The following KCNC4 variants were observed in gnomAD, a reference collection of about 807,000 sequenced individuals.
The protein encoded by KCNC4 is potassium voltage-gated channel subfamily C member 4.
Under a neutral mutation model 42.8 loss-of-function variants are expected in KCNC4, and 23 were observed. The observed-to-expected ratio is 0.54, with a 90% CI of 0.39 to 0.76. KCNC4 has a LOEUF of 0.76. Ranked by LOEUF, KCNC4 falls within the 30% of genes least tolerant of loss-of-function variation. The pLI is 0.00. For missense variants in KCNC4, 751 were observed against 898.2 expected, an observed-to-expected ratio of 0.84 and a Z score of 2.10; for synonymous variants, 422 against 393.5, an observed-to-expected ratio of 1.07 and a Z score of -0.86.
intron 2 of KCNC4, chr1:110,225,723 C>T (rs956130810): frequency 4.1e-6 from 2 of 488,908 alleles, no homozygotes; most frequent in African/African-American, 3.8e-5. Flanking sequence ...TGTAGGGCAT[C>T]TGCACTGTGG....
At position 110,211,374 on chromosome 1, in the gene KCNC4, G is replaced by C; in HGVS notation, c.-126G>C. ...TAGGCAGGGGCAAGCCCAAGCCGCAGAGGGGGCCGCCACCGCCTCCTGCCT... is the reference window on the plus strand; with the variant it reads ...TAGGCAGGGGCAAGCCCAAGCCGCACAGGGGGCCGCCACCGCCTCCTGCCT... On this transcript the variant is annotated 5_prime_UTR_variant, in exon 1 of 4. Coordinates refer to ENST00000438661, the MANE Select transcript of KCNC4 (RefSeq NM_001039574.3). The surrounding 1 kb of genome is among the most constrained non-coding windows in gnomAD (Gnocchi z 6.5). The C allele has an allele frequency of 7.2e-7, 1 of 1,395,522 alleles. No individual in the cohort carries two copies. Among genetic ancestry groups the C allele is most frequent in the Non-Finnish European group, 9.6e-7 (1 of 1,043,586 alleles). 86.4% of individuals were successfully genotyped at this position (1,395,522 alleles called of 1,614,324 possible).
At chr1:110,239,414 C>T (rs1382706728) in exon 4 of KCNC4, 1 of 152,210 alleles carries the variant, frequency 6.6e-6, no homozygotes, top group Admixed American at 6.5e-5. Flanking sequence ...CTTGGTGAGG[C>T]GTTTTCCCCT....
Position 110,223,378 on chromosome 1 carries a change from G to A in KCNC4, c.1093G>A (p.Val365Met), listed in dbSNP as rs768132680. The stretch of plus-strand genomic sequence containing the variant: ...TATCTTCAAGCTCACACGCCACTTC[G>A]TGGGGCTACGCGTGCTGGGCCACAC... Reference protein sequence around the residue: ...LRIFKLTRHFVGLRVLGHTLR... With the variant: ...LRIFKLTRHFMGLRVLGHTLR... The change falls in exon 2 of 4, where the codon GTG becomes ATG. Residue 365 changes from valine to methionine, a missense_variant. Transcript: ENST00000438661. The surrounding 1 kb of genome is among the most constrained non-coding windows in gnomAD (Gnocchi z 7.5). 1.2e-5 allele frequency: 20 copies of A among 1,613,794 alleles called. No individual in the cohort carries two copies. Among genetic ancestry groups the A allele is most frequent in the Middle Eastern group, 1.7e-4 (1 of 6,060 alleles).
chr1:110,256,658 G>A (rs945665470), intron 1 of KCNC4: 1 of 152,438 alleles, frequency 6.6e-6, no homozygotes, highest in African/African-American at 2.4e-5. Flanking sequence ...CGGAGGCCTT[G>A]CTCGCTCCAG....
chr1:110,268,130 T>G (rs568085346), intron 1 of KCNC4, among the ~76,000 whole-genome samples: 5 of 152,258 alleles, frequency 3.3e-5, no homozygotes, highest in African/African-American at 1.2e-4. Context: ...GAGATATTTT[T>G]GAGATTTTTT....
At position 110,210,726 on chromosome 1, in the gene KCNC4, G is replaced by A. The variant is rs1038531130; in HGVS notation, c.-774G>A. Among the ~76,000 whole-genome samples, 28 of 151,286 alleles carry A rather than the reference G, an allele frequency of 1.9e-4. No homozygotes were observed. Among genetic ancestry groups the A allele is most frequent in the African/African-American group, 5.6e-4 (23 of 41,378 alleles). On this transcript the variant is annotated 5_prime_UTR_variant, in exon 1 of 4. Coordinates refer to ENST00000438661, the MANE Select transcript of KCNC4 (RefSeq NM_001039574.3). ...GCGCGGCCCCCGCAGCGCTGCGCCCGGTCCGGCGCAGCTCCCAGCCGCGGA... is the reference window on the plus strand; with the variant it reads ...GCGCGGCCCCCGCAGCGCTGCGCCCAGTCCGGCGCAGCTCCCAGCCGCGGA...
At position 110,233,302 on chromosome 1, in the gene KCNC4, C is replaced by T. The variant is rs1033741746; in HGVS notation, c.*330C>T. 2.5e-5 allele frequency: 10 copies of T among 403,256 alleles called. No individual in the cohort carries two copies. The highest frequency in any genetic ancestry group is 1.4e-4 in the East Asian group (3 of 21,378). 25.0% of individuals were successfully genotyped at this position (403,256 alleles called of 1,614,324 possible). ...AGCCCTTGCCCCACCCAGAGTTTCC[C>T]GTCCCCTTCACTGATTTCTGTTGTT... On this transcript the variant is annotated 3_prime_UTR_variant, in exon 4 of 4. Coordinates refer to ENST00000438661, the MANE Select transcript of KCNC4 (RefSeq NM_001039574.3).
In KCNC4 at chr1:110,233,537, C is replaced by G. The variant is rs1037276559; in HGVS notation, c.*565C>G. ...TGGGGTTCTACCTCCCACCCCACAT[C>G]CTCGTTGTGGGGGGACTTCCAGGGG... On this transcript the variant is annotated 3_prime_UTR_variant, in exon 4 of 4. Coordinates refer to ENST00000438661, the MANE Select transcript of KCNC4 (RefSeq NM_001039574.3). 1 of 156,340 alleles carries G rather than the reference C, an allele frequency of 6.4e-6. No homozygotes were observed. The highest frequency in any genetic ancestry group is 1.4e-5 in the Non-Finnish European group (1 of 70,550). The allele number at this position is 156,340 out of a possible 1,614,324, so 9.7% of individuals were successfully genotyped here.
At chr1:110,269,716 T>G (rs1235884943) in intron 1 of KCNC4, among the ~76,000 whole-genome samples, 1 of 152,190 alleles carries the variant, frequency 6.6e-6, no homozygotes, top group Non-Finnish European at 1.5e-5. Flanking sequence ...TTTTTTTGGT[T>G]ACCAGATCTC....
chr1:110,216,765 A>G (rs1027587094), intron 1 of KCNC4, among the ~76,000 whole-genome samples: 3 of 152,126 alleles, frequency 2.0e-5, no homozygotes, highest in Admixed American at 1.3e-4. Flanking sequence ...CTGACTTGCC[A>G]TGACCTCTGG....
intron 1 of KCNC4, among the ~76,000 whole-genome samples, chr1:110,215,542 C>T (rs1409406278): frequency 6.6e-6 from 1 of 152,222 alleles, no homozygotes; most frequent in Non-Finnish European, 1.5e-5. Flanking sequence ...CAGCTATCAG[C>T]CTTATTAAGG....
chr1:110,254,833 T>C (rs1659303341), intron 1 of KCNC4, among the ~76,000 whole-genome samples: 1 of 152,244 alleles, frequency 6.6e-6, no homozygotes, highest in African/African-American at 2.4e-5. Flanking sequence ...CCAGAGCCTC[T>C]GGGAGGCCCA....
Position 110,223,937 on chromosome 1 carries a change from C to G in KCNC4, c.1615+37C>G. On this transcript the variant is annotated intron_variant, in intron 2 of 3. Transcript: ENST00000438661. This position sits in a 1 kb window ranked among gnomAD's most constrained non-coding sequence, Gnocchi z 7.5. ...GGTTGGGAAGGAAAATCCCTTTTCC[C>G]CCAGTGGCCTAGGGAGTTTCCAAAT... 3 of 1,497,838 alleles carry G rather than the reference C, an allele frequency of 2.0e-6. No homozygotes were observed. The highest frequency in any genetic ancestry group is 2.7e-6 in the Non-Finnish European group (3 of 1,097,380). The allele number at this position is 1,497,838 out of a possible 1,614,324, so 92.8% of individuals were successfully genotyped here.
chr1:110,232,292 C>T (rs1290605274), intron 3 of KCNC4: 2 of 1,613,454 alleles, frequency 1.2e-6, no homozygotes, highest in African/African-American at 2.7e-5. Flanking sequence ...TGCTGGGACT[C>T]TGTTCCTGCC....
intron 3 of KCNC4, chr1:110,229,088 A>C (rs1658561922): frequency 6.6e-6 from 1 of 152,222 alleles, no homozygotes; most frequent in Non-Finnish European, 1.5e-5. Flanking sequence ...CTATGTTAAT[A>C]TCTTTAATCA....
intron 3 of KCNC4, among the ~76,000 whole-genome samples, chr1:110,229,513 C>T (rs1215133690): frequency 2.0e-5 from 3 of 152,218 alleles, no homozygotes; most frequent in South Asian, 2.1e-4. Context: ...GCTTCTGCGA[C>T]AGTTCTTCTT....
intron 1 of KCNC4, among the ~76,000 whole-genome samples, chr1:110,277,224 T>C (rs1383711267): frequency 1.3e-5 from 2 of 152,220 alleles, no homozygotes; most frequent in Non-Finnish European, 1.5e-5. Context: ...TGAAATCACT[T>C]GCTTTTTAGC....
chr1:110,283,782 T>G (rs1311251331), downstream of KCNC4, among the ~76,000 whole-genome samples: 1 of 152,238 alleles, frequency 6.6e-6, no homozygotes, highest in East Asian at 1.9e-4. Context: ...TGTACTTTCT[T>G]GAAAATGACT....
chr1:110,226,015 TGAG>T lies in KCNC4; in HGVS notation c.1661_1663del (p.Glu554del), dbSNP rs1220633688. ...GCGATGCCAACGCAGTGCTGTCTGA[TGAG>T]GAGGGAGCTGGCCTCACCCAACCCC... On this transcript the variant is annotated inframe_deletion, in exon 3 of 4. Coordinates refer to ENST00000438661, the MANE Select transcript of KCNC4 (RefSeq NM_001039574.3). 1 of 1,612,104 alleles carries T rather than the reference TGAG, an allele frequency of 6.2e-7. No individual in the cohort carries two copies.
Sources: gnomAD v4.1 joint callset for allele counts (sites outside exome capture counted in the v4.1 genomes callset) on GRCh38, gnomAD v4.1.1 for gene constraint, Gnocchi (gnomAD v3.1) non-coding constraint, MANE v1.5 for transcripts, NCBI Gene and HGNC (gene_info 2026-07-23, HGNC 2026-07-21) for gene names.